BOC: variants seen among roughly 807,000 people sequenced by gnomAD.
BOC encodes brother of CDO.
In BOC, 76 loss-of-function variants were observed where a neutral mutation model predicts 112.0. The observed-to-expected ratio is 0.68, with a 90% confidence interval of 0.56 to 0.82. The LOEUF (loss-of-function observed/expected upper bound fraction) is 0.82. BOC is among the 40% of genes least tolerant of loss of function. The probability of loss-of-function intolerance (pLI) is 0.00; values close to 1 mark genes in which losing one functional copy is unlikely to be tolerated. For missense variants in BOC, 1,309 were observed against 1,511.7 expected, an observed-to-expected ratio of 0.87 and a Z score of 2.22; for synonymous variants, 580 against 599.8, an observed-to-expected ratio of 0.97 and a Z score of 0.48.
At position 113,284,403 on chromosome 3, in the gene BOC, T is replaced by C. The variant is rs780328877; in HGVS notation, c.2725T>C (p.Leu909=). 59 of 1,614,104 alleles carry C rather than the reference T, an allele frequency of 3.7e-5. No homozygotes were observed. The Admixed American group carries it at 6.2e-4, about 17-fold the overall frequency. Residue 909 remains leucine, a synonymous_variant, in exon 17 of 20, where the codon TTG becomes CTG. Coordinates refer to ENST00000682979, the MANE Select transcript of BOC (RefSeq NM_001378074.1). ...PPSCPYTMVP[L]GGLPGHQASG... is the part of the protein sequence containing the mutation. ...CTCCTGCCCGTATACTATGGTGCCA[T>C]TGGGAGGACTCCCAGGCCACCAGGC...
At position 113,274,522 on chromosome 3, in the gene BOC, A is replaced by C. The variant is rs557246506; in HGVS notation, c.1382A>C (p.Gln461Pro). Residue 461 changes from glutamine (Q) to proline (P), a missense_variant, in exon 9 of 20, where the codon CAG becomes CCG. Coordinates refer to ENST00000682979, the MANE Select transcript of BOC (RefSeq NM_001378074.1). The surrounding 1 kb of genome is among the most constrained non-coding windows in gnomAD (Gnocchi z 4.8). ...ACGTCAGTGGGGCCTGCTTCCCCGC[A>C]GTGTCCAGGAGAGAAGGGGCAGGGG... is the stretch of plus-strand genomic sequence containing the variant. ...PPTSVGPASP[Q>P]CPGEKGQGAP... The C allele has an allele frequency of 6.2e-7, 1 of 1,613,386 alleles. No homozygotes were observed. The highest frequency in any genetic ancestry group is 2.2e-5 in the East Asian group (1 of 44,852).
chr3:113,250,997 A>C, intron 4 of BOC, 164 bp downstream of exon 4: 1 of 882,086 alleles, frequency 1.1e-6, no homozygotes, highest in Non-Finnish European at 1.7e-6. Context: ...ATGCCCAGTG[A>C]TGGGGGACCC....
chr3:113,272,663 GC>G lies in BOC; in HGVS notation c.924del (p.Ala310GlnfsTer48). The part of the protein sequence containing the change: ...RCMADNGVGQ[P>X]GAAVILYNVQ... ...GCATGGCCGACAATGGGGTTGGGCA[GC>G]CCGGGGCAGCGGTCATCCTCTACAA... On this transcript the variant is annotated frameshift_variant, in exon 7 of 20. Coordinates refer to ENST00000682979, the MANE Select transcript of BOC (RefSeq NM_001378074.1). LOFTEE classifies it high-confidence loss of function. The G allele has an allele frequency of 1.2e-6, 2 of 1,613,874 alleles. No individual in the cohort carries two copies. The highest frequency in any genetic ancestry group is 1.7e-6 in the Non-Finnish European group (2 of 1,179,978).
At chr3:113,234,347 CTGTG>C (rs1325279073) in intron 2 of BOC, among the ~76,000 whole-genome samples, 2 of 151,918 alleles carry the variant, frequency 1.3e-5, no homozygotes, top group African/African-American at 4.8e-5. Flanking sequence ...TGAGGACGGC[CTGTG>C]TGTGTGTATG....
chr3:113,270,718 C>G, intron 5 of BOC, 83 bp from the exon 6 acceptor site: 1 of 1,492,022 alleles, frequency 6.7e-7, no homozygotes, highest in Non-Finnish European at 9.0e-7. Flanking sequence ...TCCTCTCCCT[C>G]CGTGCACCTC....
chr3:113,272,450 G>T lies in BOC; in HGVS notation c.708G>T (p.Glu236Asp), dbSNP rs1380583111. 3 of 1,613,908 alleles carry T rather than the reference G, an allele frequency of 1.9e-6. No homozygotes were observed. In the African/African-American group the frequency reaches 4.0e-5, roughly 22 times the overall value. Reference sequence around the variant, plus strand: ...CTGCCCGCATCATCTACCCCCCAGAGGCCCAAACCATCATCGTCACCAAAG... The same window carrying T: ...CTGCCCGCATCATCTACCCCCCAGATGCCCAAACCATCATCGTCACCAAAG... ...AEAARIIYPPEAQTIIVTKGQ... is the reference protein window; with the variant it reads ...AEAARIIYPPDAQTIIVTKGQ... The change falls in exon 7 of 20, where the codon GAG becomes GAT. Residue 236 changes from glutamate to aspartate, a missense_variant. Glu to Asp is a conservative substitution (Grantham distance 45). Transcript: ENST00000682979.
chr3:113,270,055 C>T (rs1947940967), intron 5 of BOC: 1 of 152,256 alleles, frequency 6.6e-6, no homozygotes, highest in African/African-American at 2.4e-5. Flanking sequence ...ACCTGTGGAC[C>T]AGGAGCAGAC....
At chr3:113,223,213 T>A (rs1941054835) in intron 2 of BOC, among the ~76,000 whole-genome samples, 1 of 152,254 alleles carries the variant, frequency 6.6e-6, no homozygotes, top group Admixed American at 6.5e-5. Flanking sequence ...CTCAGGGAAC[T>A]GGGAGAAGAG....
intron 2 of BOC, among the ~76,000 whole-genome samples, chr3:113,229,035 G>C (rs1040752706): frequency 2.6e-5 from 4 of 152,186 alleles, no homozygotes; most frequent in Admixed American, 1.3e-4. Context: ...AACTAGTCTG[G>C]GTATATGTTG....
intron 4 of BOC, among the ~76,000 whole-genome samples, chr3:113,256,409 T>C (rs1047431107): frequency 8.0e-4 from 122 of 152,322 alleles, no homozygotes; most frequent in African/African-American, 2.8e-3. Context: ...CATGGTGCAT[T>C]GTCAGTGTAG....
intron 2 of BOC, among the ~76,000 whole-genome samples, chr3:113,241,835 A>G (rs977017992): frequency 1.3e-5 from 2 of 151,470 alleles, no homozygotes; most frequent in African/African-American, 2.4e-5. Flanking sequence ...ACCTCCCCCT[A>G]CTCCTCACAC....
At position 113,284,373 on chromosome 3, in the gene BOC, C is replaced by T; in HGVS notation, c.2695C>T (p.Pro899Ser). The T allele has an allele frequency of 6.2e-7, 1 of 1,614,226 alleles. No homozygotes were observed. The highest frequency in any genetic ancestry group is 1.3e-5 in the African/African-American group (1 of 75,060). The change falls in exon 17 of 20, where the codon CCA becomes TCA. Residue 899 changes from proline (P) to serine (S), a missense_variant. Physicochemically the swap from Pro to Ser is moderately conservative, Grantham distance 74 (BLOSUM62 -1). Coordinates refer to ENST00000682979, the MANE Select transcript of BOC (RefSeq NM_001378074.1). The part of the protein sequence containing the change: ...TDLGFPRSAL[P>S]PSCPYTMVPL... ...CCTGGGTTTTCCTCGAAGTGCCCTT[C>T]CACCCTCCTGCCCGTATACTATGGT...
chr3:113,250,363 A>G (rs1945462534), intron 3 of BOC, among the ~76,000 whole-genome samples, 192 bp from the exon 4 acceptor site: 3 of 152,198 alleles, frequency 2.0e-5, no homozygotes, highest in South Asian at 4.1e-4. Flanking sequence ...CCTTTACAAT[A>G]CATTCTCACT....
intron 6 of BOC, chr3:113,271,262 G>A (rs1228713911): frequency 5.6e-6 from 3 of 532,812 alleles, no homozygotes; most frequent in Non-Finnish European, 1.1e-5. Flanking sequence ...GGTGGGTCTT[G>A]TCTCAAGCTC....
intron 2 of BOC, among the ~76,000 whole-genome samples, chr3:113,231,144 A>G (rs1258756740): frequency 6.6e-6 from 1 of 152,210 alleles, no homozygotes. Context: ...AATGAGGCCT[A>G]TGGGAAGATG....
Position 113,284,768 on chromosome 3 carries a change from T to C in BOC, c.2890-14T>C, listed in dbSNP as rs1240545592. On this transcript the variant is annotated splice_polypyrimidine_tract_variant and intron_variant, in intron 17 of 19. Transcript: ENST00000682979. ...CCCCGGCGTGGCCGTCTCATTACTC[T>C]TCCTTTTGAGCAGCAGAGTGACACC... 6.2e-7 allele frequency: 1 copy of C among 1,613,810 alleles called. No homozygotes were observed. The highest frequency in any genetic ancestry group is 1.3e-5 in the African/African-American group (1 of 74,924).
At chr3:113,231,293 C>A (rs1343858464) in intron 2 of BOC, among the ~76,000 whole-genome samples, 1 of 152,200 alleles carries the variant, frequency 6.6e-6, no homozygotes, top group African/African-American at 2.4e-5. Flanking sequence ...GGCAAATCCC[C>A]TGATCTTCAG....
intron 2 of BOC, among the ~76,000 whole-genome samples, chr3:113,240,250 C>CA (rs1559826749): frequency 6.6e-6 from 1 of 152,092 alleles, no homozygotes; most frequent in African/African-American, 2.4e-5. Flanking sequence ...GCTTGGAAGG[C>CA]AAAAAACAAC....
At chr3:113,265,158 C>A (rs1947333384) in intron 4 of BOC, among the ~76,000 whole-genome samples, 1 of 152,202 alleles carries the variant, frequency 6.6e-6, no homozygotes, top group Non-Finnish European at 1.5e-5. Context: ...GGGTGCCTGG[C>A]AGAGTGCATG....
Sources: gnomAD v4.1 joint callset for allele counts (sites outside exome capture counted in the v4.1 genomes callset) on GRCh38, gnomAD v4.1.1 for gene constraint, Gnocchi (gnomAD v3.1) non-coding constraint, MANE v1.5 for transcripts, NCBI Gene and HGNC (gene_info 2026-07-23, HGNC 2026-07-21) for gene names.